Variants in OLA1 observed in about 807,000 individuals in gnomAD.
OLA1 encodes the protein obg-like ATPase 1.
OLA1 carries 14 observed loss-of-function variants against 48.4 expected under a neutral mutation model. The ratio of observed to expected loss-of-function variants is 0.29; its 90% CI spans 0.19 to 0.45. The LOEUF (loss-of-function observed/expected upper bound fraction) is 0.45, where lower values mean the gene tolerates loss of function less well. Among genes scored for constraint, OLA1 ranks in the 20% least tolerant of loss-of-function variants. The pLI, the probability that OLA1 is intolerant of heterozygous loss-of-function variation, is 1.00. For synonymous variants in OLA1, 127 were observed against 150.4 expected (o/e 0.84, Z 1.14); for missense variants, 325 against 467.1 (o/e 0.70, Z 2.80).
chr2:174,240,421 C>G (rs1049077072), intron 2 of OLA1: 1 of 152,318 alleles, frequency 6.6e-6, no homozygotes, highest in Non-Finnish European at 1.5e-5. Context: ...ACCTCAACCT[C>G]CTGAGTAGCT....
chr2:174,214,193 C>T (rs1042431299), intron 4 of OLA1, among the ~76,000 whole-genome samples: 7 of 151,896 alleles, frequency 4.6e-5, no homozygotes, highest in African/African-American at 1.5e-4. Flanking sequence ...ATTGGCCAGG[C>T]GTGGTGGTGC....
intron 4 of OLA1, among the ~76,000 whole-genome samples, chr2:174,174,988 T>C (rs911015718): frequency 2.6e-5 from 4 of 152,012 alleles, no homozygotes; most frequent in African/African-American, 9.7e-5. Context: ...TATTTGATTT[T>C]TGACACGGTG....
chr2:174,098,070 CAAG>C (rs1381691559), intron 7 of OLA1, among the ~76,000 whole-genome samples: 3 of 152,122 alleles, frequency 2.0e-5, no homozygotes, highest in Non-Finnish European at 2.9e-5. Context: ...AGGGGAGAAA[CAAG>C]AAGCACTAAA....
intron 4 of OLA1, among the ~76,000 whole-genome samples, chr2:174,157,809 C>T (rs1686921359): frequency 6.6e-6 from 1 of 152,124 alleles, no homozygotes; most frequent in South Asian, 2.1e-4. Context: ...ATCCACATTA[C>T]ACAATAGAGA....
At chr2:174,231,572 A>G (rs1688730148) in intron 2 of OLA1, among the ~76,000 whole-genome samples, 2 of 152,194 alleles carry the variant, frequency 1.3e-5, no homozygotes, top group Admixed American at 1.3e-4. Flanking sequence ...GATTTTTTAA[A>G]ATGTATCCCT....
chr2:174,204,002 C>T (rs146357604), intron 4 of OLA1, among the ~76,000 whole-genome samples: 6,473 of 151,734 alleles, frequency 0.043, 497 homozygotes, highest in African/African-American at 0.15. Flanking sequence ...ACCATCTTGG[C>T]CAAGCTGGTC....
chr2:174,105,110 ATCAC>A (rs1333156654), intron 7 of OLA1, among the ~76,000 whole-genome samples: 1 of 151,972 alleles, frequency 6.6e-6, no homozygotes, highest in Non-Finnish European at 1.5e-5. Flanking sequence ...ATTTCTGCTA[ATCAC>A]TCAGTTTAAA....
intron 4 of OLA1, among the ~76,000 whole-genome samples, chr2:174,202,619 T>C (rs1302672296): frequency 1.3e-5 from 2 of 152,210 alleles, no homozygotes; most frequent in Non-Finnish European, 2.9e-5. Flanking sequence ...AAATGTTGAA[T>C]TGGACCACAG....
chr2:174,112,081 ACTGT>A (rs1216283311), intron 7 of OLA1, among the ~76,000 whole-genome samples: 4 of 152,202 alleles, frequency 2.6e-5, no homozygotes, highest in African/African-American at 9.6e-5. Context: ...TAGTGCATGA[ACTGT>A]CTAACAACAA....
chr2:174,152,827 G>T (rs1398771950), intron 4 of OLA1, among the ~76,000 whole-genome samples: 2 of 152,122 alleles, frequency 1.3e-5, no homozygotes, highest in Non-Finnish European at 2.9e-5. Context: ...GTTTTCCAGG[G>T]AAAAGTCTAT....
At chr2:174,184,855 A>G (rs1687618369) in intron 4 of OLA1, among the ~76,000 whole-genome samples, 2 of 152,242 alleles carry the variant, frequency 1.3e-5, no homozygotes, top group African/African-American at 4.8e-5. Flanking sequence ...TCATATGCAT[A>G]ATATGTTCTC....
chr2:174,149,432 C>T (rs901538784), intron 4 of OLA1, among the ~76,000 whole-genome samples: 2 of 152,168 alleles, frequency 1.3e-5, no homozygotes, highest in Non-Finnish European at 2.9e-5. Flanking sequence ...GAATCTCCAA[C>T]TCAGAACTCC....
At chr2:174,155,955 C>T (rs1686867329) in intron 4 of OLA1, among the ~76,000 whole-genome samples, 1 of 152,166 alleles carries the variant, frequency 6.6e-6, no homozygotes. Context: ...ATCTGGATTT[C>T]AGACTGACTG....
In OLA1 at chr2:174,174,406, T is replaced by C. The variant is rs192655159; in HGVS notation, c.374-32406A>G. Reference sequence around the variant, plus strand: ...CAGTCTATGTAATTTACCATATTAATAGAATAAAAAAGAAAAACCAGATCA... The same window carrying C: ...CAGTCTATGTAATTTACCATATTAACAGAATAAAAAAGAAAAACCAGATCA... On this transcript the variant is annotated intron_variant, in intron 4 of 10. Transcript: ENST00000284719. Among the ~76,000 whole-genome samples, 170 of 151,992 alleles carry C rather than the reference T, an allele frequency of 1.1e-3. 1 individual carries two copies. In the South Asian group the frequency reaches 0.014, roughly 12 times the overall value.
At chr2:174,197,740 G>T (rs1216580040) in intron 4 of OLA1, among the ~76,000 whole-genome samples, 1 of 152,036 alleles carries the variant, frequency 6.6e-6, no homozygotes, top group East Asian at 1.9e-4. Context: ...AAATAAATAG[G>T]CAAATGTGAT....
chr2:174,099,989 T>G (rs545873247), intron 7 of OLA1, among the ~76,000 whole-genome samples: 7 of 152,172 alleles, frequency 4.6e-5, no homozygotes, highest in Non-Finnish European at 1.0e-4. Context: ...TTGGTACAGA[T>G]TAAAACAATA....
chr2:174,147,017 T>C (rs767336419), intron 4 of OLA1, among the ~76,000 whole-genome samples: 2 of 152,110 alleles, frequency 1.3e-5, no homozygotes, highest in African/African-American at 4.8e-5. Flanking sequence ...CTTGACCAAC[T>C]GCAGGATGGT....
At chr2:174,223,229 C>A in intron 3 of OLA1, 69 bp from the exon 4 acceptor site, 1 of 1,396,266 alleles carries the variant, frequency 7.2e-7, no homozygotes, top group Non-Finnish European at 1.0e-6. Flanking sequence ...AATGAATTCT[C>A]CAAACATTTC....
chr2:174,229,491 A>T, intron 2 of OLA1, 40 bp from the exon 3 acceptor site: 1 of 1,484,756 alleles, frequency 6.7e-7, no homozygotes, highest in Non-Finnish European at 9.2e-7. Flanking sequence ...TTCTTAGGTT[A>T]ACACCAAGAA....
Sources: allele counts gnomAD v4.1 joint callset (sites outside exome capture counted in the v4.1 genomes callset), GRCh38; gene constraint gnomAD v4.1.1; transcripts MANE v1.5; gene names NCBI Gene and HGNC (gene_info 2026-07-23, HGNC 2026-07-21).